SLC6A5: variants seen among roughly 807,000 people sequenced by gnomAD.
SLC6A5 encodes solute carrier family 6 member 5, also known as sodium- and chloride-dependent glycine transporter 2.
In SLC6A5, 58 loss-of-function variants were observed where a neutral mutation model predicts 90.5. That is an observed-to-expected ratio of 0.64 (90% confidence interval 0.52 to 0.80). SLC6A5 has a LOEUF of 0.80. Among genes scored for constraint, SLC6A5 ranks in the 30% least tolerant of loss-of-function variants. The probability of loss-of-function intolerance (pLI) is 0.00; values close to 1 mark genes in which losing one functional copy is unlikely to be tolerated. For missense variants in SLC6A5, 1,015 were observed against 1,017.6 expected (o/e 1.00, Z 0.03); for synonymous variants, 427 against 401.4 (o/e 1.06, Z -0.76).
At chr11:20,641,025 TG>T (rs1223256433) in intron 13 of SLC6A5, among the ~76,000 whole-genome samples, 1 of 152,220 alleles carries the variant, frequency 6.6e-6, no homozygotes, top group Non-Finnish European at 1.5e-5. Context: ...TTGAAACAGT[TG>T]TTTGACGTTC....
chr11:20,615,909 C>T (rs1404033632), intron 6 of SLC6A5, among the ~76,000 whole-genome samples: 3 of 152,346 alleles, frequency 2.0e-5, no homozygotes, highest in Middle Eastern at 3.4e-3. Flanking sequence ...CCTCTGATCA[C>T]TGCCTTGTGA....
intron 3 of SLC6A5, among the ~76,000 whole-genome samples, chr11:20,605,413 G>A (rs1852560322): frequency 6.6e-6 from 1 of 152,136 alleles, no homozygotes; most frequent in African/African-American, 2.4e-5. Flanking sequence ...CACTACTCCC[G>A]TCCTCTCCAG....
Position 20,655,176 on chromosome 11 carries a change from G to A in SLC6A5, c.*308G>A. The stretch of plus-strand genomic sequence containing the variant: ...AGGTGAGCACTGGTAGGTATGCGTG[G>A]TTTTGTCAATAGAGAGGTATCCACT... On this transcript the variant is annotated 3_prime_UTR_variant, in exon 16 of 16. Coordinates refer to ENST00000525748, the MANE Select transcript of SLC6A5 (RefSeq NM_004211.5). 2 of 397,380 alleles carry A rather than the reference G, an allele frequency of 5.0e-6. No homozygotes were observed. The highest frequency in any genetic ancestry group is 9.6e-6 in the Non-Finnish European group (2 of 207,808). The allele number at this position is 397,380 out of a possible 1,614,324, so 24.6% of individuals were successfully genotyped here.
Position 20,599,790 on chromosome 11 carries a change from G to A in SLC6A5, c.3+115G>A, listed in dbSNP as rs1565268693. 5 of 1,218,720 alleles carry A rather than the reference G, an allele frequency of 4.1e-6. No homozygotes were observed. The Admixed American group carries it at 5.1e-5, about 12-fold the overall frequency. The allele number at this position is 1,218,720 out of a possible 1,614,324, so 75.5% of individuals were successfully genotyped here. A position where few individuals can be genotyped will look rare whatever the true frequency, so the allele number is the denominator to read the frequency against. On this transcript the variant is annotated intron_variant, in intron 1 of 15. Coordinates refer to ENST00000525748, the MANE Select transcript of SLC6A5 (RefSeq NM_004211.5). ...CTGTGCATTGGGTGGGGGGAAAGGG[G>A]GCGACGAGGAGAACAATTCTCGCAG... is the stretch of plus-strand genomic sequence containing the variant.
chr11:20,608,903 T>A (rs1852633795), intron 5 of SLC6A5, among the ~76,000 whole-genome samples: 1 of 106,238 alleles, frequency 9.4e-6, no homozygotes, highest in South Asian at 3.3e-4. Flanking sequence ...TTATAGTCTC[T>A]CTCTCTGTCT....
intron 10 of SLC6A5, among the ~76,000 whole-genome samples, chr11:20,636,050 G>A (rs1486607196): frequency 6.6e-6 from 1 of 152,182 alleles, no homozygotes; most frequent in African/African-American, 2.4e-5. Flanking sequence ...TTGCCTCTGA[G>A]TCTCTGCTTA....
At chr11:20,628,169 C>T in intron 9 of SLC6A5, 86 bp downstream of exon 9, 2 of 1,088,218 alleles carry the variant, frequency 1.8e-6, no homozygotes, top group Non-Finnish European at 2.8e-6. Flanking sequence ...GAGGCCACAT[C>T]CTCACATTTC....
intron 13 of SLC6A5, among the ~76,000 whole-genome samples, chr11:20,642,084 G>A (rs1487509489): frequency 3.3e-5 from 5 of 151,878 alleles, no homozygotes; most frequent in Non-Finnish European, 1.5e-5. Flanking sequence ...GACTGGAGAC[G>A]TAATTTGTGG....
At chr11:20,644,020 A>G (rs12800775) in intron 13 of SLC6A5, among the ~76,000 whole-genome samples, 6 of 152,018 alleles carry the variant, frequency 3.9e-5, no homozygotes, top group Non-Finnish European at 8.8e-5. Context: ...AGTACAATGT[A>G]CATACATGAT....
rs532259756 is a variant in SLC6A5 at position 20,617,954 on chromosome 11, G to C, written c.1260+70G>C. On this transcript the variant is annotated intron_variant, in intron 7 of 15. Coordinates refer to ENST00000525748, the MANE Select transcript of SLC6A5 (RefSeq NM_004211.5). ...GGGCGGTTGCTTTGGGGAGCAGGCA[G>C]AGCACTGGAAAGAGAGTCAGGAGCT... 2.7e-6 allele frequency: 4 copies of C among 1,487,722 alleles called. No individual in the cohort carries two copies. The Admixed American group carries it at 6.7e-5, about 25-fold the overall frequency. 92.2% of individuals were successfully genotyped at this position (1,487,722 alleles called of 1,614,324 possible).
chr11:20,615,833 G>A (rs1231263900), intron 6 of SLC6A5, among the ~76,000 whole-genome samples: 1 of 152,138 alleles, frequency 6.6e-6, no homozygotes, highest in Admixed American at 6.5e-5. Context: ...ATAGGGAGGG[G>A]GTGGGGACTG....
intron 3 of SLC6A5, among the ~76,000 whole-genome samples, chr11:20,606,615 C>A: frequency 6.6e-6 from 1 of 151,916 alleles, no homozygotes; most frequent in East Asian, 1.9e-4. Flanking sequence ...AGGGCTGAGG[C>A]TCTGATAAGA....
At chr11:20,621,472 C>T (rs1054641719) in intron 7 of SLC6A5, among the ~76,000 whole-genome samples, 1 of 152,184 alleles carries the variant, frequency 6.6e-6, no homozygotes, top group African/African-American at 2.4e-5. Context: ...AAGTTTTGAG[C>T]AGATATGTTT....
intron 14 of SLC6A5, among the ~76,000 whole-genome samples, chr11:20,651,226 C>T (rs1853525341): frequency 7.8e-6 from 1 of 128,462 alleles, no homozygotes; most frequent in Non-Finnish European, 1.7e-5. Context: ...CCTCCACCCC[C>T]CACCCCTCTT....
At chr11:20,603,826 T>C (rs1852523536) in intron 2 of SLC6A5, among the ~76,000 whole-genome samples, 1 of 152,100 alleles carries the variant, frequency 6.6e-6, no homozygotes, top group South Asian at 2.1e-4. Flanking sequence ...GTGAAGGTTT[T>C]TTTTTGTGGG....
intron 10 of SLC6A5, among the ~76,000 whole-genome samples, chr11:20,631,270 A>T (rs2133803614): frequency 6.6e-6 from 1 of 152,294 alleles, no homozygotes; most frequent in East Asian, 1.9e-4. Flanking sequence ...TTTCCTTACA[A>T]AGCACTTTTC....
intron 2 of SLC6A5, 126 bp from the exon 3 acceptor site, chr11:20,604,159 AT>A (rs1434380231): frequency 8.4e-7 from 1 of 1,193,842 alleles, no homozygotes; most frequent in East Asian, 2.4e-5. Flanking sequence ...CTGCTTGCTG[AT>A]GCATCCTCGG....
At chr11:20,644,922 C>T (rs1248023652) in intron 13 of SLC6A5, among the ~76,000 whole-genome samples, 5 of 151,894 alleles carry the variant, frequency 3.3e-5, no homozygotes, top group African/African-American at 7.3e-5. Context: ...AATGATTCTT[C>T]TGCCTCGGGC....
rs140779008 is a variant in SLC6A5, at chr11:20,622,761, G to A, written c.1261-3947G>A. 2.5e-4 allele frequency among the ~76,000 whole-genome samples: 37 copies of A among 147,770 alleles called. No individual in the cohort carries two copies. The South Asian group carries it at 2.9e-3, about 12-fold the overall frequency. ...AGATTTCCTTCTATAAGCCACCGCT[G>A]TCTAGGTCATGTCCTCTCCGTCACC... On this transcript the variant is annotated intron_variant, in intron 7 of 15. Coordinates refer to ENST00000525748, the MANE Select transcript of SLC6A5 (RefSeq NM_004211.5).
Sources: allele counts gnomAD v4.1 joint callset (sites outside exome capture counted in the v4.1 genomes callset), GRCh38; gene constraint gnomAD v4.1.1; transcripts MANE v1.5; gene names NCBI Gene and HGNC (gene_info 2026-07-23, HGNC 2026-07-21).